DENND1B: variants seen among roughly 807,000 people sequenced by gnomAD.
The protein encoded by DENND1B is DENN domain containing 1B.
In DENND1B, 59 loss-of-function variants were observed where a neutral mutation model predicts 90.1. That is an observed-to-expected ratio of 0.65 (90% CI 0.53 to 0.81). DENND1B has a LOEUF of 0.81. Ranked by LOEUF, DENND1B falls within the 40% of genes least tolerant of loss-of-function variation. DENND1B has a pLI of 0.00. For missense variants in DENND1B, 862 were observed against 912.6 expected (o/e 0.94, Z 0.71); for synonymous variants, 337 against 324.6 (o/e 1.04, Z -0.41).
chr1:197,680,946 A>T (rs1047597447), intron 3 of DENND1B, among the ~76,000 whole-genome samples: 1 of 152,198 alleles, frequency 6.6e-6, no homozygotes, highest in Non-Finnish European at 1.5e-5. Flanking sequence ...AATGATTAGG[A>T]TAATATCAAG....
chr1:197,661,012 CG>C (rs1219993882), intron 5 of DENND1B, among the ~76,000 whole-genome samples: 4 of 151,976 alleles, frequency 2.6e-5, no homozygotes, highest in African/African-American at 7.2e-5. Context: ...GATGCTGGAA[CG>C]GGGTGTTTAC....
chr1:197,707,258 G>A (rs993210869), intron 3 of DENND1B, among the ~76,000 whole-genome samples: 6 of 152,074 alleles, frequency 3.9e-5, no homozygotes, highest in African/African-American at 7.2e-5. Context: ...GGCTGAGAAG[G>A]GCAGGCAGGG....
intron 15 of DENND1B, among the ~76,000 whole-genome samples, chr1:197,558,035 AT>A (rs1316286048): frequency 2.0e-5 from 3 of 151,926 alleles, no homozygotes; most frequent in Non-Finnish European, 2.9e-5. Context: ...CTTTGAAAGA[AT>A]TAGTTTATTA....
intron 5 of DENND1B, among the ~76,000 whole-genome samples, chr1:197,669,175 T>TCAC (rs1655238834): frequency 6.6e-6 from 1 of 152,174 alleles, no homozygotes. Flanking sequence ...ATTATACTTG[T>TCAC]CACCATACAA....
intron 13 of DENND1B, among the ~76,000 whole-genome samples, chr1:197,595,801 T>C (rs1484666541): frequency 6.6e-6 from 1 of 152,122 alleles, no homozygotes; most frequent in African/African-American, 2.4e-5. Context: ...AGTCATTTGT[T>C]GAATAGTTTT....
intron 11 of DENND1B, among the ~76,000 whole-genome samples, chr1:197,615,058 A>G (rs1267887916): frequency 6.6e-6 from 1 of 151,002 alleles, no homozygotes; most frequent in African/African-American, 2.4e-5. Context: ...ACTTCTTCTT[A>G]TGTGTTGCCA....
chr1:197,511,783 G>T lies in DENND1B; in HGVS notation c.1760C>A (p.Ala587Asp). The T allele has an allele frequency of 3.7e-6, 6 of 1,610,810 alleles. No homozygotes were observed. The highest frequency in any genetic ancestry group is 5.1e-6 in the Non-Finnish European group (6 of 1,177,998). The part of the protein sequence containing the change: ...THSSDQGKLA[A>D]AKSLDFFRSM... The stretch of plus-strand genomic sequence containing the variant: ...TCTAAAGAAATCCAAGCTCTTTGCA[G>T]CTGCCAGCTTCCCCTGATCTGAGCT... The change falls in exon 22 of 23, where the codon GCT becomes GAT. Residue 587 changes from alanine to aspartate, a missense_variant. Transcript: ENST00000620048.
chr1:197,678,751 T>C (rs1196100633), intron 3 of DENND1B, among the ~76,000 whole-genome samples: 1 of 152,190 alleles, frequency 6.6e-6, no homozygotes, highest in East Asian at 1.9e-4. Context: ...TTTTAAGAAG[T>C]GTTCTGCTCC....
intron 9 of DENND1B, among the ~76,000 whole-genome samples, chr1:197,644,052 T>C (rs977498435): frequency 6.6e-6 from 1 of 152,206 alleles, no homozygotes; most frequent in Non-Finnish European, 1.5e-5. Flanking sequence ...GTAATCATGA[T>C]AGAGCACATC....
chr1:197,669,940 T>A (rs1030009321), intron 5 of DENND1B, among the ~76,000 whole-genome samples: 3 of 152,128 alleles, frequency 2.0e-5, no homozygotes, highest in African/African-American at 7.2e-5. Context: ...AAACTCTTCC[T>A]ACTTCAAAGA....
intron 5 of DENND1B, among the ~76,000 whole-genome samples, chr1:197,668,157 T>C (rs1655130278): frequency 6.6e-6 from 1 of 152,188 alleles, no homozygotes; most frequent in South Asian, 2.1e-4. Context: ...AAATTTTTCA[T>C]CATGTTACAA....
At chr1:197,722,328 G>C (rs1378592787) in intron 2 of DENND1B, among the ~76,000 whole-genome samples, 1 of 151,796 alleles carries the variant, frequency 6.6e-6, no homozygotes, top group Non-Finnish European at 1.5e-5. Flanking sequence ...CCTGTGTCTG[G>C]AGCTAGTAAC....
chr1:197,578,213 TAA>T (rs757930196), intron 15 of DENND1B, among the ~76,000 whole-genome samples: 8 of 151,762 alleles, frequency 5.3e-5, no homozygotes, highest in Non-Finnish European at 1.0e-4. Context: ...TCAAAATTGC[TAA>T]AAGAGTAGGG....
chr1:197,544,940 AGGG>A (rs1476350955), intron 18 of DENND1B, among the ~76,000 whole-genome samples: 1 of 56,206 alleles, frequency 1.8e-5, no homozygotes, highest in African/African-American at 6.4e-5. Flanking sequence ...AAGAAGAAGA[AGGG>A]AGAAGAGAGA....
upstream of DENND1B, among the ~76,000 whole-genome samples, chr1:197,776,343 T>G (rs1450757742): frequency 6.6e-6 from 1 of 152,198 alleles, no homozygotes; most frequent in East Asian, 1.9e-4. Flanking sequence ...GCTGATTATT[T>G]ACTTCTACCT....
chr1:197,603,224 T>A (rs1351962172), intron 13 of DENND1B, among the ~76,000 whole-genome samples: 3 of 151,354 alleles, frequency 2.0e-5, no homozygotes, highest in Admixed American at 6.6e-5. Context: ...CTAATTTAAA[T>A]CAAATGGATC....
intron 17 of DENND1B, 83 bp downstream of exon 17, chr1:197,546,650 A>AT: frequency 9.1e-7 from 1 of 1,104,572 alleles, no homozygotes. Context: ...AATAAACAGC[A>AT]TAAGTATAAA....
rs1653304890 is a variant in DENND1B, at chr1:197,652,241, C to T, written c.441G>A (p.Leu147=). 4 of 1,609,810 alleles carry T rather than the reference C, an allele frequency of 2.5e-6. No individual in the cohort carries two copies. Among genetic ancestry groups the T allele is most frequent in the Non-Finnish European group, 3.4e-6 (4 of 1,178,468 alleles). The change falls in exon 7 of 23, where the codon TTG becomes TTA. Residue 147 remains leucine, a synonymous_variant. Transcript: ENST00000620048. ...PVPKANTPVN[L]SVNQEIFIAC... ...TTACTGATTGAATACTTACCACACT[C>T]AAATTTACAGGAGTATTTGCCTTTG...
At chr1:197,657,006 A>G (rs1022482132) in intron 6 of DENND1B, among the ~76,000 whole-genome samples, 2 of 152,134 alleles carry the variant, frequency 1.3e-5, no homozygotes, top group Non-Finnish European at 2.9e-5. Context: ...TGGATTTGGA[A>G]AAGATTTCTT....
Sources: gnomAD v4.1 joint callset for allele counts (sites outside exome capture counted in the v4.1 genomes callset) on GRCh38, gnomAD v4.1.1 for gene constraint, MANE v1.5 for transcripts, NCBI Gene and HGNC (gene_info 2026-07-23, HGNC 2026-07-21) for gene names.